Variants in POU2F1 observed in about 807,000 individuals in gnomAD.
POU2F1 encodes POU class 2 homeobox 1, also known as POU domain, class 2, transcription factor 1.
Under a neutral mutation model 84.9 loss-of-function variants are expected in POU2F1, and 16 were observed. The ratio of observed to expected loss-of-function variants is 0.19; its 90% CI spans 0.13 to 0.29. The LOEUF is 0.29. POU2F1 is among the 10% of genes least tolerant of loss of function. The probability of loss-of-function intolerance (pLI) is 1.00; values close to 1 mark genes in which losing one functional copy is unlikely to be tolerated. For synonymous variants in POU2F1, 368 were observed against 368.3 expected (o/e 1.00, Z 0.01); for missense variants, 738 against 942.6 (o/e 0.78, Z 2.84).
At chr1:167,375,756 T>C (rs916086775) in intron 6 of POU2F1, among the ~76,000 whole-genome samples, 1 of 152,222 alleles carries the variant, frequency 6.6e-6, no homozygotes, top group Non-Finnish European at 1.5e-5. Flanking sequence ...CAGAAGTATA[T>C]TTGTTCTGAG....
At chr1:167,344,329 A>T (rs917505405) in intron 2 of POU2F1, among the ~76,000 whole-genome samples, 1 of 152,188 alleles carries the variant, frequency 6.6e-6, no homozygotes, top group South Asian at 2.1e-4. Flanking sequence ...CTGCCATAGG[A>T]GCCTTAAAAT....
At chr1:167,232,138 G>A (rs919189179) in intron 1 of POU2F1, among the ~76,000 whole-genome samples, 21 of 152,170 alleles carry the variant, frequency 1.4e-4, no homozygotes, top group Admixed American at 3.9e-4. Flanking sequence ...TTTGCATCCC[G>A]TGAATTCTGT....
At chr1:167,357,767 G>A (rs533469592) in intron 2 of POU2F1, among the ~76,000 whole-genome samples, 35 of 150,078 alleles carry the variant, frequency 2.3e-4, no homozygotes, top group Admixed American at 4.7e-4. Flanking sequence ...ATTCCACCCC[G>A]CCCTTTATTG....
chr1:167,329,214 A>AC (rs1656913129), intron 1 of POU2F1: 1 of 1,536,556 alleles, frequency 6.5e-7, no homozygotes, highest in African/African-American at 1.4e-5. Context: ...TTCTTTCCCC[A>AC]CCCCAAACTG....
rs529213000 is a variant in POU2F1 at position 167,247,131 on chromosome 1, A to G, written c.61+26173A>G. On this transcript the variant is annotated intron_variant, in intron 1 of 15. Coordinates refer to ENST00000367866, the MANE Select transcript of POU2F1 (RefSeq NM_002697.4). ...CACTCTGTCGCCCAGGATGAAGTGCAGAGGTGAGATCAGGGCTCACTGCAC... is the reference window on the plus strand; with the variant it reads ...CACTCTGTCGCCCAGGATGAAGTGCGGAGGTGAGATCAGGGCTCACTGCAC... 3.9e-5 allele frequency among the ~76,000 whole-genome samples: 6 copies of G among 151,988 alleles called. No individual in the cohort carries two copies. The South Asian group carries it at 1.0e-3, about 26-fold the overall frequency.
At chr1:167,245,581 T>C (rs1031802612) in intron 1 of POU2F1, among the ~76,000 whole-genome samples, 1 of 151,824 alleles carries the variant, frequency 6.6e-6, no homozygotes, top group Admixed American at 6.6e-5. Context: ...ACCCAGCTAG[T>C]TTTGTGTTTT....
intron 1 of POU2F1, among the ~76,000 whole-genome samples, chr1:167,315,408 T>C (rs1342121205): frequency 1.3e-5 from 2 of 152,188 alleles, no homozygotes; most frequent in South Asian, 4.1e-4. Context: ...TACGAATGTT[T>C]ACAGCAGGTT....
chr1:167,324,032 G>C (rs907856641), intron 1 of POU2F1, among the ~76,000 whole-genome samples: 4 of 151,936 alleles, frequency 2.6e-5, no homozygotes, highest in East Asian at 1.9e-4. Context: ...CCAAGGAAAA[G>C]AATAGAAAAA....
chr1:167,417,223 G>A lies in POU2F1; in HGVS notation c.*1413G>A, dbSNP rs770761911. 25 of 152,130 alleles carry A rather than the reference G, an allele frequency of 1.6e-4. No homozygotes were observed. The highest frequency in any genetic ancestry group is 3.5e-4 in the Non-Finnish European group (24 of 68,030). The allele number at this position is 152,130 out of a possible 1,614,324, so 9.4% of individuals were successfully genotyped here. On this transcript the variant is annotated 3_prime_UTR_variant, in exon 16 of 16. Transcript: ENST00000367866. ...ATTCTTCTTGGTTCTCTGACTAAAG[G>A]AGGCACTTATTAGCCGGGCTGGGAT... is the stretch of plus-strand genomic sequence containing the variant.
chr1:167,361,926 T>A (rs1326999855), intron 2 of POU2F1, among the ~76,000 whole-genome samples: 1 of 152,216 alleles, frequency 6.6e-6, no homozygotes, highest in Non-Finnish European at 1.5e-5. Context: ...CTGCTCCTTC[T>A]GTTTCTCTGT....
Position 167,418,389 on chromosome 1 carries a change from C to G in POU2F1, c.*2579C>G, listed in dbSNP as rs1650440712. On this transcript the variant is annotated 3_prime_UTR_variant, in exon 16 of 16. Transcript: ENST00000367866. ...CTCTGTTGTAGTTAAATTTAATCTTCTATCCTGACTTGACATCTCTACCTT... is the reference window on the plus strand; with the variant it reads ...CTCTGTTGTAGTTAAATTTAATCTTGTATCCTGACTTGACATCTCTACCTT... 6.6e-6 allele frequency: 1 copy of G among 152,146 alleles called. No homozygotes were observed. The highest frequency in any genetic ancestry group is 2.4e-5 in the African/African-American group (1 of 41,448). 9.4% of individuals were successfully genotyped at this position (152,146 alleles called of 1,614,324 possible). A position where few individuals can be genotyped will look rare whatever the true frequency, so the allele number is the denominator to read the frequency against.
intron 2 of POU2F1, among the ~76,000 whole-genome samples, chr1:167,365,105 T>C (rs1383794371): frequency 6.6e-6 from 1 of 152,226 alleles, no homozygotes; most frequent in East Asian, 1.9e-4. Context: ...AAGCCACATA[T>C]CAAGTAGGCT....
At chr1:167,349,887 TTTATC>T (rs553702149) in intron 2 of POU2F1, among the ~76,000 whole-genome samples, 226 of 152,316 alleles carry the variant, frequency 1.5e-3, no homozygotes, top group Middle Eastern at 6.8e-3. Context: ...GCGTAATAAT[TTTATC>T]TAAAGCCATT....
chr1:167,276,031 C>T (rs371397028), intron 1 of POU2F1, among the ~76,000 whole-genome samples: 164 of 152,318 alleles, frequency 1.1e-3, no homozygotes, highest in African/African-American at 3.5e-3. Context: ...CAACAGTAGT[C>T]CCCCTTTATC....
chr1:167,388,070 G>A (rs1648118667), intron 8 of POU2F1, among the ~76,000 whole-genome samples: 1 of 152,112 alleles, frequency 6.6e-6, no homozygotes, highest in South Asian at 2.1e-4. Context: ...AAAGCAAATT[G>A]GAAAAGCATT....
intron 1 of POU2F1, among the ~76,000 whole-genome samples, chr1:167,239,289 A>C (rs1395730000): frequency 6.6e-6 from 1 of 152,252 alleles, no homozygotes; most frequent in African/African-American, 2.4e-5. Context: ...AAGGAGATAT[A>C]GTTTAAATTT....
intron 2 of POU2F1, among the ~76,000 whole-genome samples, chr1:167,351,804 G>A (rs1020732231): frequency 5.9e-5 from 9 of 152,012 alleles, no homozygotes; most frequent in Non-Finnish European, 1.3e-4. Flanking sequence ...CTTTCTCCCT[G>A]ACTCTCCTCT....
In POU2F1 at chr1:167,425,220, GTTTC is replaced by G. The variant is rs1190192994; in HGVS notation, c.*9414_*9417del. On this transcript the variant is annotated 3_prime_UTR_variant, in exon 16 of 16. Transcript: ENST00000367866. ...TGCTGCTATAAGCCAGGGGAGGGTG[GTTTC>G]TTTGTTTTGTTTTGTTTTGTTTTGT... The G allele has an allele frequency of 2.6e-5, 4 of 151,752 alleles. No individual in the cohort carries two copies. The highest frequency in any genetic ancestry group is 1.3e-4 in the Admixed American group (2 of 15,262). 9.4% of individuals were successfully genotyped at this position (151,752 alleles called of 1,614,324 possible). A position where few individuals can be genotyped will look rare whatever the true frequency, so the allele number is the denominator to read the frequency against.
At position 167,420,696 on chromosome 1, in the gene POU2F1, T is replaced by A. The variant is rs547290298; in HGVS notation, c.*4886T>A. 2.5e-4 allele frequency: 38 copies of A among 152,200 alleles called. No individual in the cohort carries two copies. The highest frequency in any genetic ancestry group is 9.2e-4 in the African/African-American group (38 of 41,522). 9.4% of individuals were successfully genotyped at this position (152,200 alleles called of 1,614,324 possible). ...AAGGAGAAGCCCTGCCAGGGAGAAG[T>A]CAGTAGTATTGCTGACTCACTGTAT... On this transcript the variant is annotated 3_prime_UTR_variant, in exon 16 of 16. Transcript: ENST00000367866.
Sources: allele counts gnomAD v4.1 joint callset (sites outside exome capture counted in the v4.1 genomes callset), GRCh38; gene constraint gnomAD v4.1.1; transcripts MANE v1.5; gene names NCBI Gene and HGNC (gene_info 2026-07-23, HGNC 2026-07-21).